Variants in PCCA observed in about 807,000 individuals in gnomAD.
The protein encoded by PCCA is propionyl-CoA carboxylase alpha chain, mitochondrial.
Under a neutral mutation model 101.3 loss-of-function variants are expected in PCCA, and 74 were observed. The observed-to-expected ratio is 0.73, with a 90% CI of 0.61 to 0.89. The LOEUF is 0.89. Ranked by LOEUF, PCCA falls within the 40% of genes least tolerant of loss-of-function variation. The pLI, the probability that PCCA is intolerant of heterozygous loss-of-function variation, is 0.00. For synonymous variants in PCCA, 294 were observed against 313.6 expected, an observed-to-expected ratio of 0.94 and a Z score of 0.66; for missense variants, 891 against 907.0, an observed-to-expected ratio of 0.98 and a Z score of 0.23.
chr13:100,524,185 G>C (rs956473513), intron 22 of PCCA, among the ~76,000 whole-genome samples: 1 of 152,222 alleles, frequency 6.6e-6, no homozygotes, highest in African/African-American at 2.4e-5. Flanking sequence ...GCATTTTGCT[G>C]TTGTTGGAAG....
chr13:100,136,877 T>C (rs1055468553), intron 4 of PCCA, among the ~76,000 whole-genome samples: 3 of 152,004 alleles, frequency 2.0e-5, no homozygotes, highest in Admixed American at 6.6e-5. Context: ...TTTTCTCTAT[T>C]TTCTCTTTTA....
intron 19 of PCCA, among the ~76,000 whole-genome samples, chr13:100,412,456 A>T (rs2078113002): frequency 6.6e-6 from 1 of 152,222 alleles, no homozygotes; most frequent in Admixed American, 6.5e-5. Context: ...AACAAACAAG[A>T]TACAAAGAAA....
At chr13:100,106,315 G>C (rs2047789775) in intron 2 of PCCA, among the ~76,000 whole-genome samples, 2 of 152,132 alleles carry the variant, frequency 1.3e-5, no homozygotes, top group South Asian at 2.1e-4. Context: ...TAACCTCATA[G>C]TGAAGTTACA....
chr13:100,301,358 G>A (rs1003979716), intron 12 of PCCA, 102 bp from the exon 13 acceptor site: 145 of 1,241,202 alleles, frequency 1.2e-4, no homozygotes, highest in Non-Finnish European at 1.6e-4. Context: ...TGTTACATTC[G>A]ATTAACTTCA....
intron 21 of PCCA, among the ~76,000 whole-genome samples, chr13:100,468,650 A>G (rs552476635): frequency 6.6e-6 from 1 of 152,142 alleles, no homozygotes; most frequent in South Asian, 2.1e-4. Context: ...CCTGTGTAGA[A>G]TTGAAGAGAG....
intron 23 of PCCA, 133 bp from the exon 24 acceptor site, chr13:100,529,965 T>TG: frequency 1.3e-6 from 1 of 744,612 alleles, no homozygotes; most frequent in Non-Finnish European, 2.4e-6. Context: ...TCCGGTGGGG[T>TG]GGGGTGGCTT....
chr13:100,196,812 A>G (rs977466313), intron 6 of PCCA, among the ~76,000 whole-genome samples: 12 of 152,184 alleles, frequency 7.9e-5, no homozygotes, highest in African/African-American at 2.9e-4. Context: ...CCCTTCCACT[A>G]CCCATCTCCC....
intron 7 of PCCA, among the ~76,000 whole-genome samples, chr13:100,231,645 CT>C (rs1229118107): frequency 6.6e-6 from 1 of 152,138 alleles, no homozygotes; most frequent in African/African-American, 2.4e-5. Context: ...AATTATGATT[CT>C]TATGGTAAAA....
intron 1 of PCCA, among the ~76,000 whole-genome samples, chr13:100,092,262 A>C (rs1373997974): frequency 1.3e-5 from 2 of 152,212 alleles, no homozygotes; most frequent in Non-Finnish European, 2.9e-5. Context: ...CTAGGTAAAA[A>C]ATCCCAATTT....
chr13:100,287,816 G>GT (rs200088293), intron 12 of PCCA, among the ~76,000 whole-genome samples: 330 of 17,154 alleles, frequency 0.019, no homozygotes, highest in East Asian at 0.083. Context: ...AAAGTTAGGG[G>GT]GTTTTTTTAA....
At chr13:100,201,175 G>A (rs2058463512) in intron 6 of PCCA, among the ~76,000 whole-genome samples, 1 of 152,004 alleles carries the variant, frequency 6.6e-6, no homozygotes, top group Non-Finnish European at 1.5e-5. Context: ...AGAAAATGTG[G>A]CTGTTATCTA....
At chr13:100,299,010 A>T (rs185004212) in intron 12 of PCCA, among the ~76,000 whole-genome samples, 1 of 152,200 alleles carries the variant, frequency 6.6e-6, no homozygotes, top group East Asian at 1.9e-4. Flanking sequence ...ACTTTAAAGA[A>T]GTTAATTTCT....
At chr13:100,160,872 T>C (rs1258969050) in intron 6 of PCCA, 6 of 152,258 alleles carry the variant, frequency 3.9e-5, no homozygotes, top group Admixed American at 1.3e-4. Flanking sequence ...GTTTTAATCA[T>C]ATTATCATAC....
intron 7 of PCCA, among the ~76,000 whole-genome samples, chr13:100,220,056 A>C (rs1422040979): frequency 6.6e-6 from 1 of 152,092 alleles, no homozygotes; most frequent in Non-Finnish European, 1.5e-5. Flanking sequence ...TGTTCACAAG[A>C]AGTGAGGAAG....
At chr13:100,528,352 C>T (rs999934151) in intron 23 of PCCA, among the ~76,000 whole-genome samples, 2 of 152,132 alleles carry the variant, frequency 1.3e-5, no homozygotes, top group Non-Finnish European at 2.9e-5. Flanking sequence ...TGAAAAGATG[C>T]CGTTAGTAGG....
intron 7 of PCCA, among the ~76,000 whole-genome samples, chr13:100,220,692 G>T (rs2059770903): frequency 6.6e-6 from 1 of 152,020 alleles, no homozygotes. Flanking sequence ...TCCCCACTTT[G>T]TAACTATCCT....
At chr13:100,366,206 A>G (rs2075143912) in intron 18 of PCCA, among the ~76,000 whole-genome samples, 2 of 152,164 alleles carry the variant, frequency 1.3e-5, no homozygotes, top group South Asian at 4.1e-4. Context: ...ACCCCTGTGA[A>G]ATTGGAGTAT....
chr13:100,434,955 T>A (rs953337358), intron 20 of PCCA, among the ~76,000 whole-genome samples: 1 of 152,214 alleles, frequency 6.6e-6, no homozygotes, highest in African/African-American at 2.4e-5. Flanking sequence ...CACAGCTTCC[T>A]AGCACATTCT....
chr13:100,503,814 G>A (rs2152990297), intron 21 of PCCA, among the ~76,000 whole-genome samples: 1 of 152,200 alleles, frequency 6.6e-6, no homozygotes, highest in Admixed American at 6.5e-5. Flanking sequence ...AGACTGAGGT[G>A]GGAGGATCAC....
Sources: allele counts gnomAD v4.1 joint callset (sites outside exome capture counted in the v4.1 genomes callset), GRCh38; gene constraint gnomAD v4.1.1; transcripts MANE v1.5; gene names NCBI Gene and HGNC (gene_info 2026-07-23, HGNC 2026-07-21).